Variants in RABGAP1L observed in about 807,000 individuals in gnomAD.
The protein encoded by RABGAP1L is rab GTPase-activating protein 1-like.
Under a neutral mutation model 137.7 loss-of-function variants are expected in RABGAP1L, and 63 were observed. The observed-to-expected ratio is 0.46, with a 90% CI of 0.37 to 0.56. RABGAP1L has a LOEUF of 0.56. Among genes scored for constraint, RABGAP1L ranks in the 20% least tolerant of loss-of-function variants. The pLI, the probability that RABGAP1L is intolerant of heterozygous loss-of-function variation, is 0.00. For synonymous variants in RABGAP1L, 431 were observed against 433.7 expected (o/e 0.99, Z 0.08); for missense variants, 1,095 against 1,244.0 (o/e 0.88, Z 1.80).
chr1:174,577,208 A>T (rs1668431619), intron 13 of RABGAP1L, among the ~76,000 whole-genome samples: 1 of 81,110 alleles, frequency 1.2e-5, no homozygotes, highest in Non-Finnish European at 2.5e-5. Context: ...AGGGGGAAAA[A>T]ATACACACAC....
intron 13 of RABGAP1L, among the ~76,000 whole-genome samples, chr1:174,539,966 C>A (rs1558321155): frequency 6.6e-6 from 1 of 152,182 alleles, no homozygotes; most frequent in Non-Finnish European, 1.5e-5. Context: ...TGTTTCCTGA[C>A]TTTTTAATGA....
intron 14 of RABGAP1L, among the ~76,000 whole-genome samples, chr1:174,656,291 C>T (rs1184262088): frequency 6.6e-6 from 1 of 152,128 alleles, no homozygotes; most frequent in African/African-American, 2.4e-5. Context: ...AACTCCGTCT[C>T]TACTAAAAAT....
chr1:174,364,792 A>G (rs537207118), intron 11 of RABGAP1L, among the ~76,000 whole-genome samples: 100 of 152,214 alleles, frequency 6.6e-4, no homozygotes, highest in Admixed American at 1.7e-3. Flanking sequence ...GGTGTACTCC[A>G]TGGGTATCAG....
chr1:174,193,963 T>C (rs1431175758), intron 1 of RABGAP1L, among the ~76,000 whole-genome samples: 7 of 152,162 alleles, frequency 4.6e-5, no homozygotes, highest in Admixed American at 4.6e-4. Flanking sequence ...TCCTGTGAGA[T>C]GGGAATATTT....
chr1:174,320,098 A>G (rs1679804892), intron 11 of RABGAP1L, among the ~76,000 whole-genome samples: 1 of 152,174 alleles, frequency 6.6e-6, no homozygotes, highest in Non-Finnish European at 1.5e-5. Context: ...ATGAAGGCAT[A>G]AATTATATAC....
intron 1 of RABGAP1L, among the ~76,000 whole-genome samples, chr1:174,176,713 GAAAAAA>G (rs71563251): frequency 2.3e-4 from 5 of 21,548 alleles, no homozygotes; most frequent in African/African-American, 2.9e-4. Flanking sequence ...CCCTTTTTCA[GAAAAAA>G]AAAAAAAAAA....
chr1:174,923,169 A>G (rs1345138906), intron 19 of RABGAP1L, among the ~76,000 whole-genome samples: 1 of 151,758 alleles, frequency 6.6e-6, no homozygotes, highest in Admixed American at 6.6e-5. Flanking sequence ...AAAGTAGAGC[A>G]TATCTATAGA....
At chr1:174,833,955 AAAGAGGAATAATT>A (rs1692455991) in intron 19 of RABGAP1L, among the ~76,000 whole-genome samples, 1 of 152,214 alleles carries the variant, frequency 6.6e-6, no homozygotes, top group South Asian at 2.1e-4. Context: ...CTAACCAGCT[AAAGAGGAATAATT>A]AAGTATGCTT....
In RABGAP1L at chr1:174,738,846, C is replaced by T. The variant is rs538722560; in HGVS notation, c.2170-13467C>T. 2.0e-5 allele frequency among the ~76,000 whole-genome samples: 3 copies of T among 152,318 alleles called. No individual in the cohort carries two copies. In the East Asian group the frequency reaches 5.8e-4, roughly 29 times the overall value. ...ATTTCACAGGGCTTATAGAGCCTTT[C>T]CCCATAATTGTAAAATTTTTGCAGC... On this transcript the variant is annotated intron_variant, in intron 17 of 25. Coordinates refer to ENST00000681986, the MANE Select transcript of RABGAP1L (RefSeq NM_001366446.1).
chr1:174,355,776 T>G (rs1334112974), intron 11 of RABGAP1L, among the ~76,000 whole-genome samples: 3 of 152,160 alleles, frequency 2.0e-5, no homozygotes, highest in African/African-American at 7.2e-5. Flanking sequence ...TGCAGGGATT[T>G]TTTAATTAAA....
chr1:174,527,283 A>C (rs1257447285), intron 13 of RABGAP1L, among the ~76,000 whole-genome samples: 1 of 147,674 alleles, frequency 6.8e-6, no homozygotes, highest in Non-Finnish European at 1.5e-5. Context: ...GGCTCACTTC[A>C]ACCTTTGCCT....
rs767128102 is a variant in RABGAP1L, at chr1:174,278,689, G to A, written c.1233G>A (p.Glu411=). The A allele has an allele frequency of 1.2e-6, 2 of 1,612,344 alleles. No individual in the cohort carries two copies. The highest frequency in any genetic ancestry group is 1.1e-5 in the South Asian group (1 of 90,754). The part of the protein sequence containing the change: ...EVVEPVRFLL[E]TVVRVYPANE... Reference sequence around the variant, plus strand: ...TGGAGCCTGTTCGCTTTCTCCTGGAGACAGTAGTCCGTGTGTACCCTGCAA... The same window carrying A: ...TGGAGCCTGTTCGCTTTCTCCTGGAAACAGTAGTCCGTGTGTACCCTGCAA... Residue 411 remains glutamate (E), a synonymous_variant, in exon 10 of 26, where the codon GAG becomes GAA. Transcript: ENST00000681986.
intron 13 of RABGAP1L, chr1:174,548,370 C>G (rs1261237410): frequency 5.8e-6 from 6 of 1,042,796 alleles, no homozygotes; most frequent in Non-Finnish European, 7.0e-6. Flanking sequence ...CTTTAAAAGT[C>G]CTGTCTACCA....
Position 174,435,352 on chromosome 1 carries a change from T to A in RABGAP1L, c.1710+41207T>A, listed in dbSNP as rs998477447. Among the ~76,000 whole-genome samples the A allele has an allele frequency of 1.1e-4, 16 of 152,242 alleles. 1 individual carries two copies. The highest frequency in any genetic ancestry group is 3.9e-4 in the Admixed American group (6 of 15,290). ...TATCCTTAAGTTATGAAGACATTCT[T>A]CTTCTAGAATGTTTTCCTTTAGAAG... On this transcript the variant is annotated intron_variant, in intron 13 of 25. Coordinates refer to ENST00000681986, the MANE Select transcript of RABGAP1L (RefSeq NM_001366446.1).
At chr1:174,762,807 C>CTT (rs71563260) in intron 18 of RABGAP1L, among the ~76,000 whole-genome samples, 2,100 of 81,832 alleles carry the variant, frequency 0.026, 56 homozygotes, top group Middle Eastern at 0.061. Context: ...GTCTCCTTTG[C>CTT]TTTTTTTTTT....
chr1:174,383,044 C>T (rs942121296), intron 12 of RABGAP1L, among the ~76,000 whole-genome samples: 6 of 150,008 alleles, frequency 4.0e-5, no homozygotes, highest in Non-Finnish European at 8.8e-5. Flanking sequence ...TTGGAATACC[C>T]TGCGATGTGA....
chr1:174,865,024 G>C (rs1324348506), intron 19 of RABGAP1L, among the ~76,000 whole-genome samples: 1 of 152,238 alleles, frequency 6.6e-6, no homozygotes, highest in East Asian at 1.9e-4. Context: ...GGCTGAGGTG[G>C]GAGGATCACC....
intron 13 of RABGAP1L, among the ~76,000 whole-genome samples, chr1:174,481,981 T>C (rs1050469981): frequency 1.1e-4 from 17 of 152,114 alleles, no homozygotes; most frequent in South Asian, 2.1e-4. Flanking sequence ...TGTTAATCAG[T>C]TGATCTTAAA....
chr1:174,780,868 A>G (rs10912838), intron 18 of RABGAP1L, among the ~76,000 whole-genome samples: 92,062 of 147,972 alleles, frequency 0.62, 32,002 homozygotes, highest in East Asian at 0.93. Flanking sequence ...ATGGTTTCCA[A>G]TTTCATCCAT....
Sources: allele counts gnomAD v4.1 joint callset (sites outside exome capture counted in the v4.1 genomes callset), GRCh38; gene constraint gnomAD v4.1.1; transcripts MANE v1.5; gene names NCBI Gene and HGNC (gene_info 2026-07-23, HGNC 2026-07-21).